CHST9: variants seen among roughly 807,000 people sequenced by gnomAD.
CHST9 encodes the protein carbohydrate sulfotransferase 9.
A neutral mutation model predicts 44.4 loss-of-function variants in CHST9; 41 were observed. The ratio of observed to expected loss-of-function variants is 0.92; its 90% CI spans 0.72 to 1.20. CHST9 has a LOEUF of 1.20. Ranked by LOEUF, CHST9 falls within the 50% of genes most tolerant of loss-of-function variation. The probability of loss-of-function intolerance (pLI) is 0.00; values close to 1 mark genes in which losing one functional copy is unlikely to be tolerated. For synonymous variants in CHST9, 171 were observed against 178.4 expected, an observed-to-expected ratio of 0.96 and a Z score of 0.33; for missense variants, 504 against 516.5, an observed-to-expected ratio of 0.98 and a Z score of 0.23.
At chr18:27,078,090 C>T (rs941239227) in intron 2 of CHST9, among the ~76,000 whole-genome samples, 4 of 152,200 alleles carry the variant, frequency 2.6e-5, no homozygotes, top group African/African-American at 4.8e-5. Context: ...CCAGGTCCCT[C>T]CTCCAACACT....
At chr18:27,139,225 A>C (rs1010620273) in intron 2 of CHST9, among the ~76,000 whole-genome samples, 1 of 152,116 alleles carries the variant, frequency 6.6e-6, no homozygotes, top group African/African-American at 2.4e-5. Flanking sequence ...ACACGAAGAA[A>C]ACCTAAGAAT....
In CHST9 at chr18:27,053,113, GA is replaced by G. The variant is rs746740706; in HGVS notation, c.122-4611del. Among the ~76,000 whole-genome samples the G allele has an allele frequency of 2.9e-5, 4 of 138,318 alleles. No individual in the cohort carries two copies. In the South Asian group the frequency reaches 9.6e-4, roughly 33 times the overall value. The allele number at this position is 138,318 out of a possible 152,430, so 90.7% of individuals were successfully genotyped here. On this transcript the variant is annotated intron_variant, in intron 2 of 5. Transcript: ENST00000618847. ...AAGAAGAAGAAAAGAAGAAGAAGAA[GA>G]GGAGGAGGAAGAAGAGGAAGAAGAA...
intron 4 of CHST9, among the ~76,000 whole-genome samples, chr18:27,023,309 ATCT>A (rs1263415650): frequency 6.6e-6 from 1 of 152,230 alleles, no homozygotes; most frequent in East Asian, 1.9e-4. Context: ...GGAATTGATC[ATCT>A]TCTATTACTA....
intron 2 of CHST9, among the ~76,000 whole-genome samples, chr18:27,071,122 T>G (rs1173242442): frequency 6.6e-6 from 1 of 152,168 alleles, no homozygotes; most frequent in Non-Finnish European, 1.5e-5. Flanking sequence ...GGCCTCTTGG[T>G]CTTGTTCTTC....
intron 4 of CHST9, among the ~76,000 whole-genome samples, chr18:26,953,866 C>A (rs2056285054): frequency 6.6e-6 from 1 of 152,130 alleles, no homozygotes; most frequent in Non-Finnish European, 1.5e-5. Flanking sequence ...GTACTATCAC[C>A]TACATTTAGC....
intron 1 of CHST9, among the ~76,000 whole-genome samples, chr18:27,146,533 G>A (rs2058613890): frequency 6.6e-6 from 1 of 152,174 alleles, no homozygotes; most frequent in African/African-American, 2.4e-5. Flanking sequence ...TGCGGAAAAA[G>A]TGCAGACTAC....
At chr18:27,076,268 T>G (rs1406955396) in intron 2 of CHST9, among the ~76,000 whole-genome samples, 1 of 152,216 alleles carries the variant, frequency 6.6e-6, no homozygotes, top group Non-Finnish European at 1.5e-5. Context: ...ATGGGACAAT[T>G]CCAGAAGCAG....
intron 2 of CHST9, among the ~76,000 whole-genome samples, chr18:27,137,183 AGATT>A (rs1336060414): frequency 6.6e-6 from 1 of 151,674 alleles, no homozygotes; most frequent in Non-Finnish European, 1.5e-5. Flanking sequence ...TAAGAAGGAG[AGATT>A]GATTTATACA....
chr18:27,120,114 C>T (rs2143806264), intron 2 of CHST9, among the ~76,000 whole-genome samples: 2 of 152,270 alleles, frequency 1.3e-5, no homozygotes, highest in South Asian at 4.1e-4. Flanking sequence ...TTAAGTTTTA[C>T]ATTTTACACT....
At chr18:26,925,022 C>T (rs990767998) in intron 5 of CHST9, among the ~76,000 whole-genome samples, 6 of 151,784 alleles carry the variant, frequency 4.0e-5, no homozygotes, top group Admixed American at 3.9e-4. Context: ...GGTCCCTGAT[C>T]TTACGGAGCA....
chr18:27,157,849 C>T (rs1402957911), intron 1 of CHST9, among the ~76,000 whole-genome samples: 1 of 151,538 alleles, frequency 6.6e-6, no homozygotes, highest in Admixed American at 6.6e-5. Context: ...TTTAAGGATA[C>T]CATAAAATTA....
intron 2 of CHST9, among the ~76,000 whole-genome samples, chr18:27,068,161 G>A (rs1211166058): frequency 1.3e-5 from 2 of 152,072 alleles, no homozygotes; most frequent in Admixed American, 6.6e-5. Flanking sequence ...AAGAGAGATA[G>A]AGTAATTTTG....
chr18:27,113,347 C>T (rs1284627888), intron 2 of CHST9, among the ~76,000 whole-genome samples: 1 of 152,144 alleles, frequency 6.6e-6, no homozygotes, highest in East Asian at 1.9e-4. Flanking sequence ...TGGTATCCCA[C>T]TTAACTCAAA....
intron 4 of CHST9, among the ~76,000 whole-genome samples, chr18:26,968,258 C>CA (rs1293319935): frequency 6.6e-6 from 1 of 151,960 alleles, no homozygotes; most frequent in South Asian, 2.1e-4. Context: ...GCTACATGAC[C>CA]AAAAAAGATA....
intron 2 of CHST9, among the ~76,000 whole-genome samples, chr18:27,078,003 A>G (rs1225435339): frequency 6.6e-6 from 1 of 152,140 alleles, no homozygotes; most frequent in Non-Finnish European, 1.5e-5. Context: ...ACACACTTTC[A>G]AACACTAGAT....
chr18:27,125,549 T>C (rs990151147), intron 2 of CHST9, among the ~76,000 whole-genome samples: 3 of 152,168 alleles, frequency 2.0e-5, no homozygotes, highest in African/African-American at 7.2e-5. Context: ...TATTAACTTT[T>C]CCCCTTCTCA....
chr18:27,153,550 G>C (rs944959332), intron 1 of CHST9, among the ~76,000 whole-genome samples: 41 of 133,234 alleles, frequency 3.1e-4, no homozygotes, highest in African/African-American at 9.8e-4. Context: ...CTCTCTCTGT[G>C]TGTGTGTGTG....
At chr18:27,067,344 TTCTGG>T (rs2057792785) in intron 2 of CHST9, among the ~76,000 whole-genome samples, 1 of 152,112 alleles carries the variant, frequency 6.6e-6, no homozygotes, top group Admixed American at 6.6e-5. Flanking sequence ...GGGCGATGCT[TTCTGG>T]TTTGCTAGTT....
intron 5 of CHST9, among the ~76,000 whole-genome samples, chr18:26,943,966 G>A (rs1484331157): frequency 2.6e-5 from 4 of 152,100 alleles, no homozygotes; most frequent in Admixed American, 6.6e-5. Context: ...AGAAAATCAC[G>A]GAGAGTCACC....
Sources: allele counts gnomAD v4.1 joint callset (sites outside exome capture counted in the v4.1 genomes callset), GRCh38; gene constraint gnomAD v4.1.1; transcripts MANE v1.5; gene names NCBI Gene and HGNC (gene_info 2026-07-23, HGNC 2026-07-21).